FAM227B: variants seen among roughly 807,000 people sequenced by gnomAD.
FAM227B encodes protein FAM227B.
A neutral mutation model predicts 73.8 loss-of-function variants in FAM227B; 88 were observed. That is an observed-to-expected ratio of 1.19 (90% CI 1.00 to 1.42). The LOEUF (loss-of-function observed/expected upper bound fraction) is 1.42. FAM227B is among the 40% of genes most tolerant of loss of function. The probability of loss-of-function intolerance (pLI) is 0.00; values close to 1 mark genes in which losing one functional copy is unlikely to be tolerated. For missense variants in FAM227B, 632 were observed against 590.9 expected, an observed-to-expected ratio of 1.07 and a Z score of -0.72; for synonymous variants, 210 against 190.5, an observed-to-expected ratio of 1.10 and a Z score of -0.84.
chr15:49,401,030 C>G (rs1187393273), intron 11 of FAM227B, among the ~76,000 whole-genome samples: 2 of 152,176 alleles, frequency 1.3e-5, no homozygotes, highest in Admixed American at 1.3e-4. Flanking sequence ...AGCTTCTGCA[C>G]AGCAAAAGAA....
intron 3 of FAM227B, among the ~76,000 whole-genome samples, chr15:49,600,943 G>A (rs2077161701): frequency 6.7e-6 from 1 of 148,970 alleles, no homozygotes. Flanking sequence ...ACCGGAGGCT[G>A]AAGCAGGAGA....
At chr15:49,540,422 GT>G (rs1342620960) in intron 10 of FAM227B, among the ~76,000 whole-genome samples, 1 of 152,124 alleles carries the variant, frequency 6.6e-6, no homozygotes, top group African/African-American at 2.4e-5. Flanking sequence ...TTGCTGTACT[GT>G]TTTGCTGTAG....
chr15:49,362,778 A>G (rs2044469951), intron 13 of FAM227B, among the ~76,000 whole-genome samples: 1 of 152,096 alleles, frequency 6.6e-6, no homozygotes, highest in Non-Finnish European at 1.5e-5. Flanking sequence ...TAAGTCTTTC[A>G]TCCATCTTAA....
intron 9 of FAM227B, among the ~76,000 whole-genome samples, chr15:49,555,344 T>A (rs1229390709): frequency 6.6e-6 from 1 of 152,236 alleles, no homozygotes; most frequent in Non-Finnish European, 1.5e-5. Flanking sequence ...TAATTCTTGT[T>A]TGGAAATTCC....
At chr15:49,407,151 C>T (rs2048569910) in intron 11 of FAM227B, among the ~76,000 whole-genome samples, 1 of 152,184 alleles carries the variant, frequency 6.6e-6, no homozygotes, top group Admixed American at 6.5e-5. Context: ...CACATGCTCT[C>T]ATGCCAAACC....
intron 11 of FAM227B, among the ~76,000 whole-genome samples, chr15:49,479,597 CTGTTTTTTTTTTTT>C (rs2055710794): frequency 2.0e-5 from 2 of 102,086 alleles, no homozygotes; most frequent in South Asian, 6.3e-4. Context: ...GTTAATACCT[CTGTTTTTTTTTTTT>C]TTTTTTTTTT....
intron 11 of FAM227B, among the ~76,000 whole-genome samples, chr15:49,388,406 T>G (rs1484535987): frequency 1.3e-5 from 2 of 151,918 alleles, no homozygotes; most frequent in African/African-American, 4.8e-5. Flanking sequence ...TTACATTAAA[T>G]GGTGCTAGGA....
At chr15:49,442,012 A>G (rs1195213765) in intron 11 of FAM227B, among the ~76,000 whole-genome samples, 1 of 151,564 alleles carries the variant, frequency 6.6e-6, no homozygotes, top group South Asian at 2.1e-4. Flanking sequence ...CTTTTTATCA[A>G]AAGATCCATT....
rs1411833956 is a variant in FAM227B, at chr15:49,354,908, G to C, written c.1271+12540C>G. Reference sequence around the variant, plus strand: ...CTGGAGATCTGAGAACGGGCAGACTGCCTCCTCAAGTGGGTCCCTGACCCC... The same window carrying C: ...CTGGAGATCTGAGAACGGGCAGACTCCCTCCTCAAGTGGGTCCCTGACCCC... On this transcript the variant is annotated intron_variant, in intron 13 of 15. Transcript: ENST00000299338. Among the ~76,000 whole-genome samples, 8 of 152,140 alleles carry C rather than the reference G, an allele frequency of 5.3e-5. No individual in the cohort carries two copies. The South Asian group carries it at 1.0e-3, about 20-fold the overall frequency.
chr15:49,477,956 A>C (rs181680735), intron 11 of FAM227B, among the ~76,000 whole-genome samples: 1 of 152,194 alleles, frequency 6.6e-6, no homozygotes, highest in African/African-American at 2.4e-5. Flanking sequence ...TTCAGGGGGT[A>C]CATGTGCAGG....
At chr15:49,582,116 A>AT (rs1307491676) in intron 5 of FAM227B, among the ~76,000 whole-genome samples, 2 of 152,204 alleles carry the variant, frequency 1.3e-5, no homozygotes, top group African/African-American at 4.8e-5. Context: ...ACAGGATCAA[A>AT]TCAACACATA....
intron 10 of FAM227B, among the ~76,000 whole-genome samples, chr15:49,512,943 G>C (rs183479798): frequency 7.9e-5 from 12 of 152,060 alleles, no homozygotes; most frequent in African/African-American, 2.4e-4. Flanking sequence ...ATTCTTTTTC[G>C]TGGCTGCATA....
intron 11 of FAM227B, chr15:49,423,932 T>A (rs755425961): frequency 9.7e-4 from 184 of 190,058 alleles, no homozygotes; most frequent in Non-Finnish European, 1.4e-3. Context: ...TAACCTATAC[T>A]GTATTCTAAT....
At chr15:49,479,013 G>C (rs757960356) in intron 11 of FAM227B, among the ~76,000 whole-genome samples, 1 of 152,056 alleles carries the variant, frequency 6.6e-6, no homozygotes, top group Non-Finnish European at 1.5e-5. Flanking sequence ...TTCATTCCAA[G>C]TGTGATACAG....
At chr15:49,479,928 C>T (rs1230938409) in intron 11 of FAM227B, among the ~76,000 whole-genome samples, 2 of 152,088 alleles carry the variant, frequency 1.3e-5, no homozygotes, top group African/African-American at 2.4e-5. Context: ...GTTAACACTT[C>T]TATAAATATT....
chr15:49,434,715 C>T (rs990278341), intron 11 of FAM227B: 6 of 151,268 alleles, frequency 4.0e-5, no homozygotes, highest in South Asian at 2.1e-4. Flanking sequence ...TTGCATGCTT[C>T]GAATGATTGC....
intron 13 of FAM227B, among the ~76,000 whole-genome samples, chr15:49,352,790 C>T (rs903063043): frequency 2.6e-5 from 4 of 152,158 alleles, no homozygotes; most frequent in African/African-American, 7.2e-5. Context: ...AAAACCTCTA[C>T]CCAATCCCAA....
chr15:49,573,703 G>A (rs1046986106), intron 8 of FAM227B, among the ~76,000 whole-genome samples: 9 of 152,118 alleles, frequency 5.9e-5, no homozygotes, highest in Non-Finnish European at 1.2e-4. Flanking sequence ...AATTCATTCT[G>A]TTCATTATAA....
intron 11 of FAM227B, among the ~76,000 whole-genome samples, chr15:49,417,223 C>A (rs1030072829): frequency 1.3e-5 from 2 of 151,954 alleles, no homozygotes; most frequent in African/African-American, 4.8e-5. Context: ...AAAATCCTGT[C>A]TTTGCAAAAA....
Sources: allele counts gnomAD v4.1 joint callset (sites outside exome capture counted in the v4.1 genomes callset), GRCh38; gene constraint gnomAD v4.1.1; transcripts MANE v1.5; gene names NCBI Gene and HGNC (gene_info 2026-07-23, HGNC 2026-07-21).